Variants in ADARB2 observed in about 807,000 individuals in gnomAD.
The protein encoded by ADARB2 is adenosine deaminase RNA specific B2 (inactive), also known as inactive double-stranded RNA-specific editase B2.
In ADARB2, 25 loss-of-function variants were observed where a neutral mutation model predicts 62.2. The observed-to-expected ratio is 0.40, with a 90% confidence interval of 0.29 to 0.56. The LOEUF (loss-of-function observed/expected upper bound fraction) is 0.56, where lower values mean the gene tolerates loss of function less well. ADARB2 is among the 20% of genes least tolerant of loss of function. ADARB2 has a pLI of 0.43. For synonymous variants in ADARB2, 572 were observed against 500.8 expected (o/e 1.14, Z -1.90); for missense variants, 1,071 against 1,077.4 (o/e 0.99, Z 0.08).
chr10:1,379,995 T>C (rs1832468511), intron 1 of ADARB2, among the ~76,000 whole-genome samples: 1 of 152,200 alleles, frequency 6.6e-6, no homozygotes, highest in Non-Finnish European at 1.5e-5. Context: ...GAAATAAAAA[T>C]GACTAATAAA....
chr10:1,644,451 G>C lies in ADARB2; in HGVS notation c.100+92600C>G, dbSNP rs180733780. 5.3e-4 allele frequency among the ~76,000 whole-genome samples: 80 copies of C among 152,348 alleles called. No homozygotes were observed. The East Asian group carries it at 0.015, about 28-fold the overall frequency. ...TCCCTTTGCTATCCAAGCTCGGTCG[G>C]GGGAGCAGGGAGAAGGAGAAGGACA... On this transcript the variant is annotated intron_variant, in intron 1 of 9. Coordinates refer to ENST00000381312, the MANE Select transcript of ADARB2 (RefSeq NM_018702.4).
chr10:1,313,420 G>A (rs1299987702), intron 3 of ADARB2, among the ~76,000 whole-genome samples: 1 of 152,210 alleles, frequency 6.6e-6, no homozygotes, highest in Admixed American at 6.5e-5. Flanking sequence ...TGAGTGCCAG[G>A]CACTGGGAAC....
intron 3 of ADARB2, among the ~76,000 whole-genome samples, chr10:1,316,847 A>G (rs1164423500): frequency 6.6e-6 from 1 of 152,206 alleles, no homozygotes; most frequent in Non-Finnish European, 1.5e-5. Context: ...AGATTTTCCC[A>G]TTGTTTTTCC....
intron 1 of ADARB2, among the ~76,000 whole-genome samples, chr10:1,562,247 G>T (rs977480288): frequency 1.1e-4 from 17 of 152,050 alleles, no homozygotes; most frequent in African/African-American, 3.9e-4. Flanking sequence ...TCTCCTGTGA[G>T]CGTGTTCGGC....
rs555196840 is a variant in ADARB2, at chr10:1,280,978, C to T, written c.1078-9909G>A. 4.6e-5 allele frequency among the ~76,000 whole-genome samples: 7 copies of T among 152,166 alleles called. No individual in the cohort carries two copies. In the East Asian group the frequency reaches 9.7e-4, roughly 21 times the overall value. On this transcript the variant is annotated intron_variant, in intron 3 of 9. Coordinates refer to ENST00000381312, the MANE Select transcript of ADARB2 (RefSeq NM_018702.4). Reference sequence around the variant, plus strand: ...ATAGTGCGCCACTGGCTTTGGGGGCCGTGGGTTACGGCAACAATGTTATTT... The same window carrying T: ...ATAGTGCGCCACTGGCTTTGGGGGCTGTGGGTTACGGCAACAATGTTATTT...
intron 1 of ADARB2, among the ~76,000 whole-genome samples, chr10:1,639,236 CTGACCGCATCCAGGAGGT>C (rs1442470285): frequency 2.0e-5 from 3 of 152,304 alleles, no homozygotes; most frequent in East Asian, 1.9e-4. Context: ...ATCCAGGAGG[CTGACCGCATCCAGGAGGT>C]TGACCGCATC....
chr10:1,569,993 C>G (rs1832913496), intron 1 of ADARB2, among the ~76,000 whole-genome samples: 1 of 152,062 alleles, frequency 6.6e-6, no homozygotes, highest in Non-Finnish European at 1.5e-5. Flanking sequence ...TAAACCATGT[C>G]TGGGAACTCC....
intron 1 of ADARB2, among the ~76,000 whole-genome samples, chr10:1,401,611 A>G (rs1042393952): frequency 2.6e-5 from 4 of 152,106 alleles, no homozygotes; most frequent in Admixed American, 2.6e-4. Flanking sequence ...TGCATTTTAA[A>G]CGGCACCAGC....
intron 1 of ADARB2, among the ~76,000 whole-genome samples, chr10:1,430,739 C>CA (rs113983256): frequency 1.7e-3 from 221 of 133,644 alleles, no homozygotes; most frequent in African/African-American, 5.2e-3. Context: ...GACTCCGTCT[C>CA]AAAAAAAAAA....
chr10:1,192,894 G>T (rs1688975184), intron 8 of ADARB2, among the ~76,000 whole-genome samples: 1 of 152,262 alleles, frequency 6.6e-6, no homozygotes, highest in African/African-American at 2.4e-5. Flanking sequence ...AGTGAGCCGA[G>T]ATCGCGCCAC....
chr10:1,734,191 A>G (rs1164615349), intron 1 of ADARB2, among the ~76,000 whole-genome samples: 4 of 151,228 alleles, frequency 2.6e-5, no homozygotes, highest in African/African-American at 7.3e-5. Flanking sequence ...AGTAGGATTG[A>G]TGTGTGGGGA....
intron 1 of ADARB2, among the ~76,000 whole-genome samples, chr10:1,455,015 C>T (rs890883472): frequency 7.2e-5 from 11 of 152,146 alleles, no homozygotes; most frequent in African/African-American, 1.2e-4. Flanking sequence ...AATTTGCTTA[C>T]GAAACACGAG....
chr10:1,292,183 C>G lies in ADARB2; in HGVS notation c.1078-21114G>C, dbSNP rs76447585. ...CTCACTCTGTGACCCAGGCTGGTCT[C>G]GAACTCCTTGGCCTCAAGCCATCCT... On this transcript the variant is annotated intron_variant, in intron 3 of 9. Transcript: ENST00000381312. 3.1e-3 allele frequency: 469 copies of G among 152,512 alleles called. 7 individuals are homozygous for G. In the East Asian group the frequency reaches 0.047, roughly 15 times the overall value. 9.4% of individuals were successfully genotyped at this position (152,512 alleles called of 1,614,324 possible). A position where few individuals can be genotyped will look rare whatever the true frequency, so the allele number is the denominator to read the frequency against.
intron 1 of ADARB2, among the ~76,000 whole-genome samples, chr10:1,417,060 C>T (rs1832810274): frequency 6.6e-6 from 1 of 151,922 alleles, no homozygotes; most frequent in Admixed American, 6.6e-5. Flanking sequence ...GATCAGATGG[C>T]CAGAAAGTGT....
At chr10:1,414,802 ACCCCAAC>A (rs1341058249) in intron 1 of ADARB2, among the ~76,000 whole-genome samples, 1 of 152,078 alleles carries the variant, frequency 6.6e-6, no homozygotes, top group Non-Finnish European at 1.5e-5. Context: ...GGGTCTGATC[ACCCCAAC>A]ACAGATGGAC....
rs2805516 is a variant in ADARB2 at position 1,398,172 on chromosome 10, C to A, written c.101-19012G>T. 0.037 allele frequency among the ~76,000 whole-genome samples: 5,371 copies of A among 145,268 alleles called. 375 individuals are homozygous for A. Among genetic ancestry groups the A allele is most frequent in the African/African-American group, 0.14 (5,023 of 36,952 alleles). ...GCAGGCTTCCTGGGTCACCGTCCTCCTCTCCCGTCCCGAGTGCAGGCTTCC... is the reference window on the plus strand; with the variant it reads ...GCAGGCTTCCTGGGTCACCGTCCTCATCTCCCGTCCCGAGTGCAGGCTTCC... On this transcript the variant is annotated intron_variant, in intron 1 of 9. Transcript: ENST00000381312. The surrounding 1 kb of genome is among the most constrained non-coding windows in gnomAD (Gnocchi z 4.1).
Position 1,588,957 on chromosome 10 carries a change from C to T in ADARB2, c.100+148094G>A, listed in dbSNP as rs79201308. The stretch of plus-strand genomic sequence containing the variant: ...TCCAGCCCAGAACCACAGCACAGCA[C>T]CCTCATCCACATTTTAAAAAGCTCC... On this transcript the variant is annotated intron_variant, in intron 1 of 9. Coordinates refer to ENST00000381312, the MANE Select transcript of ADARB2 (RefSeq NM_018702.4). Among the ~76,000 whole-genome samples the T allele has an allele frequency of 6.6e-4, 101 of 152,248 alleles. 1 individual carries two copies. In the East Asian group the frequency reaches 0.019, roughly 28 times the overall value.
chr10:1,488,272 T>A (rs542385111), intron 1 of ADARB2, among the ~76,000 whole-genome samples: 1 of 151,968 alleles, frequency 6.6e-6, no homozygotes, highest in Non-Finnish European at 1.5e-5. Context: ...CACTGCCTTT[T>A]AAAGCACATC....
Position 1,246,305 on chromosome 10 carries a change from G to T in ADARB2, c.1193-4006C>A, listed in dbSNP as rs559898435. On this transcript the variant is annotated intron_variant, in intron 4 of 9. Coordinates refer to ENST00000381312, the MANE Select transcript of ADARB2 (RefSeq NM_018702.4). ...TGTAGGTTGCCTGTTCACTCTGATG[G>T]TAGTTTCTTTTGCTGTGCAGAAGCT... Among the ~76,000 whole-genome samples, 702 of 149,458 alleles carry T rather than the reference G, an allele frequency of 4.7e-3. 9 individuals carry two copies. The highest frequency in any genetic ancestry group is 6.0e-3 in the South Asian group (27 of 4,516).
Sources: allele counts gnomAD v4.1 joint callset (sites outside exome capture counted in the v4.1 genomes callset), GRCh38; gene constraint gnomAD v4.1.1; non-coding constraint Gnocchi (gnomAD v3.1); transcripts MANE v1.5; gene names NCBI Gene and HGNC (gene_info 2026-07-23, HGNC 2026-07-21).